ERG: variants seen among roughly 807,000 people sequenced by gnomAD.
ERG encodes the protein transcriptional regulator ERG.
ERG carries 9 observed loss-of-function variants against 55.3 expected under a neutral mutation model. That is an observed-to-expected ratio of 0.16 (90% confidence interval 0.10 to 0.28). The LOEUF (loss-of-function observed/expected upper bound fraction) is 0.28. Ranked by LOEUF, ERG falls within the 10% of genes least tolerant of loss-of-function variation. The pLI is 1.00. For synonymous variants in ERG, 223 were observed against 237.3 expected, an observed-to-expected ratio of 0.94 and a Z score of 0.55; for missense variants, 434 against 631.6, an observed-to-expected ratio of 0.69 and a Z score of 3.35.
At chr21:38,623,909 C>T (rs2060308798) in intron 1 of ERG, among the ~76,000 whole-genome samples, 1 of 152,188 alleles carries the variant, frequency 6.6e-6, no homozygotes, top group Admixed American at 6.5e-5. Flanking sequence ...AATTGAAGTT[C>T]ATAATTTCCT....
At chr21:38,379,894 C>G (rs1987347020), downstream of ERG, 7 of 356,030 alleles carry the variant, frequency 2.0e-5, no homozygotes, top group Non-Finnish European at 2.8e-5. Context: ...AGACTGGGTA[C>G]TCTCATGTTG....
chr21:38,655,534 T>G (rs1366536417), intron 1 of ERG, among the ~76,000 whole-genome samples: 2 of 152,206 alleles, frequency 1.3e-5, no homozygotes, highest in Non-Finnish European at 2.9e-5. Context: ...TATCCCCTCT[T>G]CTCACCCTTT....
intron 2 of ERG, among the ~76,000 whole-genome samples, chr21:38,526,848 AAT>A (rs2059633574): frequency 6.6e-6 from 1 of 152,224 alleles, no homozygotes; most frequent in Admixed American, 6.5e-5. Flanking sequence ...GAAAGTACAA[AAT>A]CAAGCAGCAA....
intron 3 of ERG, among the ~76,000 whole-genome samples, chr21:38,412,679 T>C (rs62217901): frequency 9.7e-4 from 147 of 152,286 alleles, no homozygotes; most frequent in Non-Finnish European, 1.9e-3. Flanking sequence ...TTTAACTCCT[T>C]CTTTTATGTT....
intron 2 of ERG, among the ~76,000 whole-genome samples, chr21:38,520,584 G>A (rs2059586929): frequency 6.6e-6 from 1 of 152,166 alleles, no homozygotes. Context: ...CGTTCTGAAG[G>A]TTTTGTGTAC....
intron 1 of ERG, among the ~76,000 whole-genome samples, chr21:38,618,279 C>T (rs1373474781): frequency 6.7e-6 from 1 of 150,018 alleles, no homozygotes; most frequent in Non-Finnish European, 1.5e-5. Flanking sequence ...AGATGATCAT[C>T]TCGGAACGAA....
chr21:38,550,678 A>G (rs534112906), intron 2 of ERG, among the ~76,000 whole-genome samples: 6 of 152,356 alleles, frequency 3.9e-5, no homozygotes, highest in African/African-American at 1.2e-4. Flanking sequence ...ATGCCACTCA[A>G]TGTATAGCAC....
At chr21:38,533,946 T>G (rs1252847697) in intron 2 of ERG, among the ~76,000 whole-genome samples, 1 of 152,202 alleles carries the variant, frequency 6.6e-6, no homozygotes, top group East Asian at 1.9e-4. Flanking sequence ...GAGCCATTTT[T>G]TTTCTTATAC....
At chr21:38,619,014 C>T (rs2060274895) in intron 1 of ERG, among the ~76,000 whole-genome samples, 1 of 152,176 alleles carries the variant, frequency 6.6e-6, no homozygotes, top group African/African-American at 2.4e-5. Flanking sequence ...CAGGGTCATG[C>T]AAAGCCGGGT....
intron 2 of ERG, among the ~76,000 whole-genome samples, chr21:38,559,759 G>A (rs2059881477): frequency 6.6e-6 from 1 of 152,072 alleles, no homozygotes; most frequent in Admixed American, 6.5e-5. Flanking sequence ...TTGGCTCACT[G>A]CACCCCCTGC....
chr21:38,542,068 T>A (rs552061208), intron 2 of ERG, among the ~76,000 whole-genome samples: 11 of 152,304 alleles, frequency 7.2e-5, no homozygotes, highest in Non-Finnish European at 1.5e-4. Flanking sequence ...TGGAGTGCAG[T>A]GGCGTGTTCT....
intron 1 of ERG, among the ~76,000 whole-genome samples, chr21:38,613,356 C>A (rs918998968): frequency 6.6e-6 from 1 of 152,182 alleles, no homozygotes; most frequent in African/African-American, 2.4e-5. Context: ...GACTATGAAA[C>A]CTCTAACACT....
At chr21:38,578,621 G>T (rs1237316293) in intron 1 of ERG, among the ~76,000 whole-genome samples, 1 of 152,032 alleles carries the variant, frequency 6.6e-6, no homozygotes, top group Non-Finnish European at 1.5e-5. Flanking sequence ...CATGCGGGAG[G>T]ATGAGAGGTA....
intron 1 of ERG, among the ~76,000 whole-genome samples, chr21:38,484,828 CAT>C (rs757055288): frequency 3.9e-5 from 6 of 152,160 alleles, no homozygotes; most frequent in Non-Finnish European, 5.9e-5. Context: ...GCATTTCTCA[CAT>C]GTTTTTGGTG....
At chr21:38,630,838 A>G (rs959130995) in intron 1 of ERG, among the ~76,000 whole-genome samples, 2 of 152,242 alleles carry the variant, frequency 1.3e-5, no homozygotes, top group East Asian at 1.9e-4. Flanking sequence ...ACTTTGCAAC[A>G]TAAGAGGAAT....
At chr21:38,617,102 G>A (rs1051407995) in intron 1 of ERG, among the ~76,000 whole-genome samples, 8 of 152,156 alleles carry the variant, frequency 5.3e-5, no homozygotes, top group African/African-American at 1.4e-4. Context: ...TGACCTCCAC[G>A]AAGGGATAAC....
intron 2 of ERG, among the ~76,000 whole-genome samples, chr21:38,428,092 A>C (rs910208120): frequency 6.6e-6 from 1 of 151,630 alleles, no homozygotes; most frequent in African/African-American, 2.4e-5. Context: ...AGGTGGGAGG[A>C]TCACCTGAGC....
At chr21:38,645,357 A>G (rs1255100717) in intron 1 of ERG, among the ~76,000 whole-genome samples, 2 of 152,224 alleles carry the variant, frequency 1.3e-5, no homozygotes, top group Non-Finnish European at 2.9e-5. Flanking sequence ...TTTCATATAC[A>G]TAAGAGTGTA....
intron 1 of ERG, among the ~76,000 whole-genome samples, chr21:38,648,462 T>C (rs2060470082): frequency 6.6e-6 from 1 of 152,224 alleles, no homozygotes; most frequent in African/African-American, 2.4e-5. Context: ...AAGGGTAATT[T>C]ATGGAGCGTG....
Sources: allele counts gnomAD v4.1 joint callset (sites outside exome capture counted in the v4.1 genomes callset), GRCh38; gene constraint gnomAD v4.1.1; transcripts MANE v1.5; gene names NCBI Gene and HGNC (gene_info 2026-07-23, HGNC 2026-07-21).